Variants in DLGAP2 observed in about 807,000 individuals in gnomAD.
DLGAP2 encodes disks large-associated protein 2.
DLGAP2 carries 26 observed loss-of-function variants against 100.3 expected under a neutral mutation model. The ratio of observed to expected loss-of-function variants is 0.26; its 90% CI spans 0.19 to 0.36. The LOEUF is 0.36. DLGAP2 is among the 10% of genes least tolerant of loss of function. The pLI, the probability that DLGAP2 is intolerant of heterozygous loss-of-function variation, is 1.00. For missense variants in DLGAP2, 1,858 were observed against 1,453.2 expected, an observed-to-expected ratio of 1.28 and a Z score of -4.53; for synonymous variants, 886 against 630.1, an observed-to-expected ratio of 1.41 and a Z score of -6.08.
intron 4 of DLGAP2, among the ~76,000 whole-genome samples, chr8:1,527,707 A>T (rs376327202): frequency 8.5e-5 from 13 of 152,338 alleles, no homozygotes; most frequent in African/African-American, 3.1e-4. Context: ...TCTATGCAGC[A>T]TGCACGGCGT....
chr8:1,447,199 T>C (rs1452055628), intron 3 of DLGAP2, among the ~76,000 whole-genome samples: 2 of 152,236 alleles, frequency 1.3e-5, no homozygotes, highest in Non-Finnish European at 2.9e-5. Context: ...TTCCAGTTTT[T>C]GCCCATTCAG....
At chr8:1,492,023 C>G (rs986454122) in intron 3 of DLGAP2, among the ~76,000 whole-genome samples, 7 of 152,212 alleles carry the variant, frequency 4.6e-5, no homozygotes, top group Non-Finnish European at 8.8e-5. Flanking sequence ...GACAGAGGCA[C>G]TGATTGTCAT....
chr8:1,509,179 A>G (rs9314430), intron 4 of DLGAP2, among the ~76,000 whole-genome samples: 71,269 of 151,748 alleles, frequency 0.47, 17,209 homozygotes, highest in South Asian at 0.68. Context: ...AAAATACAAA[A>G]TATTAGCCGG....
chr8:1,549,030 C>G lies in DLGAP2; in HGVS notation c.577C>G (p.Leu193Val). 1 of 1,596,140 alleles carries G rather than the reference C, an allele frequency of 6.3e-7. No individual in the cohort carries two copies. Among genetic ancestry groups the G allele is most frequent in the Non-Finnish European group, 8.5e-7 (1 of 1,176,494 alleles). The change falls in exon 5 of 15, where the codon CTG (leucine) becomes GTG (valine). Residue 193 changes from leucine (L) to valine (V), a missense_variant. By Grantham distance (32) the Leu-to-Val change is conservative. Transcript: ENST00000637795. ...AKINRIPANL[L>V]DQFEKQLPLH... ...GATCAACCGCATCCCGGCCAACCTG[C>G]TGGACCAGTTCGAGAAGCAGCTGCC...
intron 3 of DLGAP2, among the ~76,000 whole-genome samples, chr8:1,457,590 C>T (rs1267857960): frequency 6.6e-6 from 1 of 152,198 alleles, no homozygotes; most frequent in Non-Finnish European, 1.5e-5. Context: ...AAACCAGCTT[C>T]ATTTTGAAAT....
intron 2 of DLGAP2, among the ~76,000 whole-genome samples, chr8:1,244,373 G>T (rs4976865): frequency 0.11 from 16,264 of 152,256 alleles, 1,008 homozygotes; most frequent in South Asian, 0.16. Flanking sequence ...GTTAAACGCT[G>T]TATGAACATA....
intron 2 of DLGAP2, among the ~76,000 whole-genome samples, chr8:1,149,502 G>C (rs746416806): frequency 6.6e-6 from 1 of 152,110 alleles, no homozygotes; most frequent in Non-Finnish European, 1.5e-5. Flanking sequence ...CTACTTATCT[G>C]ATTTTAGTAT....
intron 2 of DLGAP2, among the ~76,000 whole-genome samples, chr8:942,619 A>G (rs1584909228): frequency 6.6e-6 from 1 of 152,146 alleles, no homozygotes; most frequent in Admixed American, 6.5e-5. Flanking sequence ...CTAACATCTC[A>G]TCTTCACCTC....
chr8:827,054 T>G (rs1796696694), intron 1 of DLGAP2, among the ~76,000 whole-genome samples: 1 of 152,128 alleles, frequency 6.6e-6, no homozygotes, highest in Non-Finnish European at 1.5e-5. Flanking sequence ...CCCGGGGACA[T>G]TTGGCAATAT....
chr8:743,859 G>T (rs1425076416), intron 1 of DLGAP2, among the ~76,000 whole-genome samples: 2 of 152,238 alleles, frequency 1.3e-5, no homozygotes, highest in Non-Finnish European at 2.9e-5. Flanking sequence ...GCCACTGCGC[G>T]ATGCCTTTTG....
At chr8:1,176,210 G>C (rs1374012961) in intron 2 of DLGAP2, among the ~76,000 whole-genome samples, 1 of 152,166 alleles carries the variant, frequency 6.6e-6, no homozygotes, top group Non-Finnish European at 1.5e-5. Context: ...GTGAGAGACA[G>C]TGTGGGAAAT....
Position 1,431,432 on chromosome 8 carries a change from G to T in DLGAP2, c.107-69934G>T, listed in dbSNP as rs114657855. 7.4e-3 allele frequency among the ~76,000 whole-genome samples: 1,127 copies of T among 152,332 alleles called. 12 individuals are homozygous for T. The highest frequency in any genetic ancestry group is 0.026 in the African/African-American group (1,082 of 41,568). ...TCAGCACTGTGTCAAGCTCAGTTCC[G>T]TTGGCTGACCAGGTAGACTCTACCC... On this transcript the variant is annotated intron_variant, in intron 3 of 14. Coordinates refer to ENST00000637795, the MANE Select transcript of DLGAP2 (RefSeq NM_001346810.2).
chr8:962,743 G>A (rs921479463), intron 2 of DLGAP2, among the ~76,000 whole-genome samples: 2 of 152,206 alleles, frequency 1.3e-5, no homozygotes, highest in Non-Finnish European at 2.9e-5. Flanking sequence ...CCACAGGGGT[G>A]GCCGTAGCGG....
chr8:1,547,383 G>T (rs2130509053), intron 4 of DLGAP2, among the ~76,000 whole-genome samples: 1 of 152,196 alleles, frequency 6.6e-6, no homozygotes, highest in East Asian at 1.9e-4. Context: ...ATTTGAGGGG[G>T]TCAGCCCCAC....
intron 2 of DLGAP2, among the ~76,000 whole-genome samples, chr8:1,043,976 T>A (rs1209584091): frequency 1.3e-5 from 2 of 152,040 alleles, no homozygotes; most frequent in Non-Finnish European, 2.9e-5. Flanking sequence ...AGACTTTGCA[T>A]CACCTCTGAA....
At chr8:1,194,403 G>C (rs74332740) in intron 2 of DLGAP2, among the ~76,000 whole-genome samples, 8,117 of 152,204 alleles carry the variant, frequency 0.053, 570 homozygotes, top group African/African-American at 0.16. Flanking sequence ...CATGCTCACC[G>C]TGTCTAGGCA....
chr8:1,000,776 G>T (rs973945018), intron 2 of DLGAP2, among the ~76,000 whole-genome samples: 3 of 152,130 alleles, frequency 2.0e-5, no homozygotes, highest in African/African-American at 7.2e-5. Context: ...GGAGGGTGAC[G>T]GTGTGGAGGT....
At chr8:1,100,054 A>G (rs1563191517) in intron 2 of DLGAP2, among the ~76,000 whole-genome samples, 1 of 152,274 alleles carries the variant, frequency 6.6e-6, no homozygotes, top group Non-Finnish European at 1.5e-5. Context: ...TAGTAGTGTA[A>G]TGAATCTTGT....
At chr8:1,235,398 G>T (rs375872501) in intron 2 of DLGAP2, among the ~76,000 whole-genome samples, 1 of 144,358 alleles carries the variant, frequency 6.9e-6, no homozygotes, top group Non-Finnish European at 1.5e-5. Flanking sequence ...GTTGTGTCTC[G>T]TTCTCTCTCA....
Sources: gnomAD v4.1 joint callset for allele counts (sites outside exome capture counted in the v4.1 genomes callset) on GRCh38, gnomAD v4.1.1 for gene constraint, MANE v1.5 for transcripts, NCBI Gene and HGNC (gene_info 2026-07-23, HGNC 2026-07-21) for gene names.